Variants in TNFRSF10A observed in about 807,000 individuals in gnomAD.
TNFRSF10A encodes the protein tumor necrosis factor receptor superfamily member 10A.
In TNFRSF10A, 44 loss-of-function variants were observed where a neutral mutation model predicts 42.8. That is an observed-to-expected ratio of 1.03 (90% CI 0.81 to 1.32). The LOEUF (loss-of-function observed/expected upper bound fraction) is 1.32, where lower values mean the gene tolerates loss of function less well. TNFRSF10A is among the 40% of genes most tolerant of loss of function. The pLI, the probability that TNFRSF10A is intolerant of heterozygous loss-of-function variation, is 0.00. For missense variants in TNFRSF10A, 680 were observed against 602.0 expected, an observed-to-expected ratio of 1.13 and a Z score of -1.36; for synonymous variants, 259 against 234.2, an observed-to-expected ratio of 1.11 and a Z score of -0.97.
At chr8:23,192,706 G>T (rs142468266) in intron 9 of TNFRSF10A, among the ~76,000 whole-genome samples, 1 of 152,232 alleles carries the variant, frequency 6.6e-6, no homozygotes, top group African/African-American at 2.4e-5. Context: ...TCATTTTAAT[G>T]TGTGGTACTG....
chr8:23,200,067 C>T (rs537126444), intron 6 of TNFRSF10A, 150 bp from the exon 7 acceptor site: 12 of 894,498 alleles, frequency 1.3e-5, no homozygotes, highest in South Asian at 4.5e-5. Context: ...CCTGCTAACT[C>T]GGGAGATCCT....
chr8:23,193,626 C>T (rs572029818), intron 9 of TNFRSF10A, among the ~76,000 whole-genome samples: 1 of 152,218 alleles, frequency 6.6e-6, no homozygotes, highest in Admixed American at 6.5e-5. Context: ...CCAGGCAGCA[C>T]GACTGGCTCC....
At chr8:23,192,106 A>G (rs1800763677) in intron 9 of TNFRSF10A, 93 bp from the exon 10 acceptor site, 2 of 1,506,640 alleles carry the variant, frequency 1.3e-6, no homozygotes, top group African/African-American at 2.8e-5. Context: ...ACCCAAGGAG[A>G]GAACCTGGAG....
intron 3 of TNFRSF10A, 134 bp from the exon 4 acceptor site, chr8:23,202,053 C>T: frequency 1.4e-6 from 1 of 718,882 alleles, no homozygotes; most frequent in South Asian, 1.7e-5. Context: ...CCAGATTCTG[C>T]ACCAGCACAC....
chr8:23,204,506 A>C (rs1800978382), intron 2 of TNFRSF10A, among the ~76,000 whole-genome samples: 1 of 152,228 alleles, frequency 6.6e-6, no homozygotes, highest in African/African-American at 2.4e-5. Flanking sequence ...TCTAGAAAGA[A>C]CATCAACAAG....
In TNFRSF10A at chr8:23,201,891, C is replaced by T. The variant is rs1390363755; in HGVS notation, c.546G>A (p.Thr182=). ...TGCACTGACATGCTGTGTTCCTGGT[C>T]GTGGTGCAGGGACTTCTCTCTTCTT... ...SDEEERSPCT[T]TRNTACQCKP... Residue 182 remains threonine, a synonymous_variant, in exon 4 of 10, where the codon ACG becomes ACA. Transcript: ENST00000221132. 12 of 1,613,972 alleles carry T rather than the reference C, an allele frequency of 7.4e-6. No homozygotes were observed. The highest frequency in any genetic ancestry group is 5.0e-5 in the Admixed American group (3 of 59,984).
intron 9 of TNFRSF10A, among the ~76,000 whole-genome samples, chr8:23,192,214 G>A (rs773397842): frequency 2.7e-4 from 41 of 152,198 alleles, no homozygotes; most frequent in Non-Finnish European, 3.2e-4. Flanking sequence ...CCCCCAAGGC[G>A]CTGACGGGCG....
intron 9 of TNFRSF10A, 50 bp downstream of exon 9, chr8:23,197,082 C>T (rs773451895): frequency 6.8e-5 from 110 of 1,609,630 alleles, no homozygotes; most frequent in South Asian, 2.6e-4. Flanking sequence ...GTTAGGACAC[C>T]GTCCCTATTC....
chr8:23,202,951 A>G lies in TNFRSF10A; in HGVS notation c.404-190T>C, dbSNP rs142208161. Among the ~76,000 whole-genome samples, 167 of 152,324 alleles carry G rather than the reference A, an allele frequency of 1.1e-3. 1 individual carries two copies. The highest frequency in any genetic ancestry group is 3.9e-3 in the African/African-American group (164 of 41,576). ...GACTGGCGCTGCTGACAGAAATACAATACAAACCACATGCAAAATTCAAAT... is the reference window on the plus strand; with the variant it reads ...GACTGGCGCTGCTGACAGAAATACAGTACAAACCACATGCAAAATTCAAAT... On this transcript the variant is annotated intron_variant, in intron 2 of 9. Coordinates refer to ENST00000221132, the MANE Select transcript of TNFRSF10A (RefSeq NM_003844.4).
In TNFRSF10A at chr8:23,201,901, G is replaced by A. The variant is rs974859695; in HGVS notation, c.536C>T (p.Pro179Leu). The change falls in exon 4 of 10, where the codon CCC (proline) becomes CTC (leucine). Residue 179 changes from proline (P) to leucine (L), a missense_variant. Pro to Leu is a moderately conservative substitution (Grantham distance 98). Transcript: ENST00000221132. ...TGCTGTGTTCCTGGTCGTGGTGCAG[G>A]GACTTCTCTCTTCTTCATCTGATGA... Reference protein sequence around the residue: ...ACKSDEEERSPCTTTRNTACQ... With the variant: ...ACKSDEEERSLCTTTRNTACQ... 2 of 1,613,916 alleles carry A rather than the reference G, an allele frequency of 1.2e-6. No homozygotes were observed. Among genetic ancestry groups the A allele is most frequent in the Non-Finnish European group, 1.7e-6 (2 of 1,180,014 alleles).
At chr8:23,200,229 C>T (rs896968852) in intron 6 of TNFRSF10A, among the ~76,000 whole-genome samples, 1 of 152,226 alleles carries the variant, frequency 6.6e-6, no homozygotes, top group Non-Finnish European at 1.5e-5. Context: ...GAGCTGACTG[C>T]CCCCTGCCTG....
At chr8:23,197,372 C>A in intron 8 of TNFRSF10A, 168 bp from the exon 9 acceptor site, 1 of 690,490 alleles carries the variant, frequency 1.4e-6, no homozygotes, top group South Asian at 1.7e-5. Flanking sequence ...AGCCACTCCC[C>A]ATTGCTGGCA....
rs747279227 is a variant in TNFRSF10A, at chr8:23,201,823, C to A, written c.614G>T (p.Arg205Leu). ...FRNDNSAEMC[R>L]KCSRGCPRGM... is the part of the protein sequence containing the mutation. Reference sequence around the variant, plus strand: ...GTTGTCTCACCCTCTGCTGCACTTCCGGCACATCTCAGCAGAATTGTCATT... The same window carrying A: ...GTTGTCTCACCCTCTGCTGCACTTCAGGCACATCTCAGCAGAATTGTCATT... Residue 205 changes from arginine (R) to leucine (L), a missense_variant, in exon 4 of 10, where the codon CGG becomes CTG. Physicochemically the swap from Arg to Leu is moderately radical, Grantham distance 102 (BLOSUM62 -2). Coordinates refer to ENST00000221132, the MANE Select transcript of TNFRSF10A (RefSeq NM_003844.4). The A allele has an allele frequency of 2.2e-5, 36 of 1,614,064 alleles. No homozygotes were observed. Among genetic ancestry groups the A allele is most frequent in the African/African-American group, 4.0e-5 (3 of 74,930 alleles).
At chr8:23,215,991 T>A (rs1801173821) in intron 1 of TNFRSF10A, among the ~76,000 whole-genome samples, 3 of 152,026 alleles carry the variant, frequency 2.0e-5, no homozygotes, top group Admixed American at 2.0e-4. Flanking sequence ...GCTAATTTTG[T>A]ATTTTTAGTA....
intron 1 of TNFRSF10A, among the ~76,000 whole-genome samples, chr8:23,215,879 C>T (rs1161826839): frequency 1.3e-5 from 2 of 150,754 alleles, no homozygotes; most frequent in Non-Finnish European, 2.9e-5. Flanking sequence ...AGTGCAGTGG[C>T]GTGATCTCGG....
At chr8:23,223,781 T>C (rs1801290129) in intron 1 of TNFRSF10A, among the ~76,000 whole-genome samples, 1 of 152,196 alleles carries the variant, frequency 6.6e-6, no homozygotes, top group Admixed American at 6.5e-5. Flanking sequence ...ACTGAAGGCA[T>C]TGGCATTTTT....
At position 23,191,471 on chromosome 8, in the gene TNFRSF10A, G is replaced by T; in HGVS notation, c.*223C>A. 1 of 626,480 alleles carries T rather than the reference G, an allele frequency of 1.6e-6. No individual in the cohort carries two copies. Among genetic ancestry groups the T allele is most frequent in the Non-Finnish European group, 2.7e-6 (1 of 372,562 alleles). 38.8% of individuals were successfully genotyped at this position (626,480 alleles called of 1,614,324 possible). A position where few individuals can be genotyped will look rare whatever the true frequency, so the allele number is the denominator to read the frequency against. On this transcript the variant is annotated 3_prime_UTR_variant, in exon 10 of 10. Transcript: ENST00000221132. The stretch of plus-strand genomic sequence containing the variant: ...ACACCATCACATCCAGTTAATTTTT[G>T]TATTTTTTTGTAAAGACGGCATTTC...
At chr8:23,212,931 A>G (rs1801110138) in intron 1 of TNFRSF10A, among the ~76,000 whole-genome samples, 1 of 152,230 alleles carries the variant, frequency 6.6e-6, no homozygotes, top group Non-Finnish European at 1.5e-5. Flanking sequence ...AGAGTTAGAA[A>G]GTGTTCCCTC....
At chr8:23,197,989 G>T (rs759115961) in intron 8 of TNFRSF10A, among the ~76,000 whole-genome samples, 1 of 151,940 alleles carries the variant, frequency 6.6e-6, no homozygotes, top group African/African-American at 2.4e-5. Context: ...TATCAAGCTG[G>T]AGATTATTGA....
Sources: allele counts gnomAD v4.1 joint callset (sites outside exome capture counted in the v4.1 genomes callset), GRCh38; gene constraint gnomAD v4.1.1; transcripts MANE v1.5; gene names NCBI Gene and HGNC (gene_info 2026-07-23, HGNC 2026-07-21).